ADGRD1: variants seen among roughly 807,000 people sequenced by gnomAD.
The protein encoded by ADGRD1 is G-protein coupled receptor 133.
Under a neutral mutation model 113.4 loss-of-function variants are expected in ADGRD1, and 77 were observed. The ratio of observed to expected loss-of-function variants is 0.68; its 90% CI spans 0.57 to 0.82. The LOEUF (loss-of-function observed/expected upper bound fraction) is 0.82. Ranked by LOEUF, ADGRD1 falls within the 40% of genes least tolerant of loss-of-function variation. The pLI is 0.00. For missense variants in ADGRD1, 1,036 were observed against 1,139.1 expected (o/e 0.91, Z 1.30); for synonymous variants, 474 against 475.0 (o/e 1.00, Z 0.03).
At chr12:130,994,248 G>A (rs1249982582) in intron 8 of ADGRD1, 13 of 453,564 alleles carry the variant, frequency 2.9e-5, no homozygotes, top group Non-Finnish European at 4.9e-5. Flanking sequence ...GTGAGGCCCC[G>A]AGACAGGGCT....
At chr12:130,981,849 T>C (rs1273571332) in intron 4 of ADGRD1, 35 bp from the exon 5 acceptor site, 3 of 1,508,730 alleles carry the variant, frequency 2.0e-6, no homozygotes, top group Non-Finnish European at 2.7e-6. Flanking sequence ...AGTCCCCTGC[T>C]CTCTGTGAAT....
rs77310360 is a variant in ADGRD1, at chr12:131,050,655, G to A, written c.1474-26146G>A. 2.2e-3 allele frequency among the ~76,000 whole-genome samples: 338 copies of A among 152,152 alleles called. 10 individuals are homozygous for A. The East Asian group carries it at 0.058, about 26-fold the overall frequency. On this transcript the variant is annotated intron_variant, in intron 13 of 24. Transcript: ENST00000261654. The surrounding 1 kb of genome is among the most constrained non-coding windows in gnomAD (Gnocchi z 4.8). ...ACCAGATCCACGAGAACGCATGATC[G>A]TGGGGACAGTGCCAAGAGGGATGGT...
intron 13 of ADGRD1, among the ~76,000 whole-genome samples, chr12:131,049,713 G>A (rs1040028405): frequency 3.9e-5 from 6 of 152,174 alleles, no homozygotes; most frequent in Non-Finnish European, 5.9e-5. Flanking sequence ...AGGGGCGGCC[G>A]TGTAGGCTGC....
chr12:131,134,949 C>G (rs1230884459), intron 21 of ADGRD1, among the ~76,000 whole-genome samples: 1 of 152,204 alleles, frequency 6.6e-6, no homozygotes, highest in African/African-American at 2.4e-5. Flanking sequence ...AGTCACTGGC[C>G]TGAGTGATGA....
chr12:131,100,635 G>C (rs1226525933), intron 15 of ADGRD1, among the ~76,000 whole-genome samples: 1 of 152,186 alleles, frequency 6.6e-6, no homozygotes, highest in African/African-American at 2.4e-5. Context: ...TGGCGATAAG[G>C]TTGATCGATA....
At chr12:131,118,971 TG>T (rs1352143359) in intron 19 of ADGRD1, among the ~76,000 whole-genome samples, 2 of 152,276 alleles carry the variant, frequency 1.3e-5, no homozygotes, top group South Asian at 4.2e-4. Flanking sequence ...CAGTATCTCC[TG>T]TTGCCACTTG....
At chr12:131,066,290 C>T (rs1047554281) in intron 13 of ADGRD1, among the ~76,000 whole-genome samples, 3 of 152,198 alleles carry the variant, frequency 2.0e-5, no homozygotes, top group Admixed American at 6.5e-5. Flanking sequence ...CTGCAAGCAC[C>T]GCAGGCTTTG....
chr12:131,074,255 G>T (rs949589339), intron 13 of ADGRD1, among the ~76,000 whole-genome samples: 3 of 152,208 alleles, frequency 2.0e-5, no homozygotes, highest in Non-Finnish European at 4.4e-5. Flanking sequence ...GGGCTCACAG[G>T]CACTCCCCAT....
chr12:131,049,888 A>G (rs936306942), intron 13 of ADGRD1, among the ~76,000 whole-genome samples: 7 of 152,100 alleles, frequency 4.6e-5, no homozygotes, highest in Non-Finnish European at 1.0e-4. Context: ...CTGGCTGGAG[A>G]GGGCGTCGGG....
At chr12:130,972,231 C>G (rs1196735673) in intron 4 of ADGRD1, among the ~76,000 whole-genome samples, 1 of 152,168 alleles carries the variant, frequency 6.6e-6, no homozygotes, top group Non-Finnish European at 1.5e-5. Context: ...TGCAAATTTT[C>G]TGGGAAATTG....
intron 20 of ADGRD1, among the ~76,000 whole-genome samples, chr12:131,125,129 C>T (rs1950711094): frequency 6.6e-6 from 1 of 152,200 alleles, no homozygotes; most frequent in African/African-American, 2.4e-5. Context: ...GATTAAAGCT[C>T]ACCCTAGTGA....
At chr12:131,085,776 T>C (rs1312461254) in intron 15 of ADGRD1, among the ~76,000 whole-genome samples, 2 of 152,116 alleles carry the variant, frequency 1.3e-5, no homozygotes, top group Admixed American at 1.3e-4. Context: ...GTGGCTGGTG[T>C]TGGGCATTTT....
intron 14 of ADGRD1, among the ~76,000 whole-genome samples, chr12:131,082,221 A>G (rs542629722): frequency 3.9e-5 from 6 of 152,106 alleles, no homozygotes; most frequent in Non-Finnish European, 7.3e-5. Context: ...GTATTTATGC[A>G]TGTTACATTT....
intron 13 of ADGRD1, among the ~76,000 whole-genome samples, chr12:131,038,201 C>G (rs1881743363): frequency 6.6e-6 from 1 of 152,242 alleles, no homozygotes; most frequent in South Asian, 2.1e-4. Flanking sequence ...TCACCAGGCC[C>G]CTGTGGAGGG....
chr12:131,042,274 C>T (rs543017539), intron 13 of ADGRD1, among the ~76,000 whole-genome samples: 1 of 152,322 alleles, frequency 6.6e-6, no homozygotes, highest in African/African-American at 2.4e-5. Flanking sequence ...CTGGACCTCC[C>T]AGAGCCCTTG....
chr12:130,990,933 C>T (rs576865487), intron 6 of ADGRD1, 81 bp from the exon 7 acceptor site: 33 of 1,068,950 alleles, frequency 3.1e-5, no homozygotes, highest in Non-Finnish European at 4.6e-5. Context: ...GAAGCCAGTA[C>T]ATTTTTAACA....
At chr12:131,062,120 A>G (rs1884379339) in intron 13 of ADGRD1, among the ~76,000 whole-genome samples, 1 of 152,086 alleles carries the variant, frequency 6.6e-6, no homozygotes, top group Non-Finnish European at 1.5e-5. Context: ...TCCGCCTCCC[A>G]GATTCAAGCG....
At position 131,003,357 on chromosome 12, in the gene ADGRD1, C is replaced by T. The variant is rs980589679; in HGVS notation, c.1144+55C>T. On this transcript the variant is annotated intron_variant, in intron 10 of 24. Transcript: ENST00000261654. This position sits in a 1 kb window ranked among gnomAD's most constrained non-coding sequence, Gnocchi z 4.8. ...TGGCAGGGGCGGGGGCTGGAGGCTGCGTTTCACTGCCTGTCTTTTTACACC... is the reference window on the plus strand; with the variant it reads ...TGGCAGGGGCGGGGGCTGGAGGCTGTGTTTCACTGCCTGTCTTTTTACACC... 3.3e-5 allele frequency: 38 copies of T among 1,161,850 alleles called. No individual in the cohort carries two copies. The East Asian group carries it at 7.2e-4, about 22-fold the overall frequency. 72.0% of individuals were successfully genotyped at this position (1,161,850 alleles called of 1,614,324 possible). A position where few individuals can be genotyped will look rare whatever the true frequency, so the allele number is the denominator to read the frequency against.
intron 15 of ADGRD1, among the ~76,000 whole-genome samples, chr12:131,092,462 C>T (rs1012822903): frequency 6.6e-6 from 1 of 152,216 alleles, no homozygotes; most frequent in African/African-American, 2.4e-5. Context: ...GCCAAGGCTG[C>T]ACCCAGTGGG....
Sources: allele counts gnomAD v4.1 joint callset (sites outside exome capture counted in the v4.1 genomes callset), GRCh38; gene constraint gnomAD v4.1.1; non-coding constraint Gnocchi (gnomAD v3.1); transcripts MANE v1.5; gene names NCBI Gene and HGNC (gene_info 2026-07-23, HGNC 2026-07-21).